FBLN7: variants seen among roughly 807,000 people sequenced by gnomAD.
The protein encoded by FBLN7 is fibulin 7, also known as fibulin-7.
In FBLN7, 31 loss-of-function variants were observed where a neutral mutation model predicts 44.0. The observed-to-expected ratio is 0.70, with a 90% confidence interval of 0.53 to 0.95. The LOEUF (loss-of-function observed/expected upper bound fraction) is 0.95, where lower values mean the gene tolerates loss of function less well. Ranked by LOEUF, FBLN7 falls within the 40% of genes least tolerant of loss-of-function variation. The pLI is 0.00. For missense variants in FBLN7, 573 were observed against 618.5 expected, an observed-to-expected ratio of 0.93 and a Z score of 0.78; for synonymous variants, 262 against 253.4, an observed-to-expected ratio of 1.03 and a Z score of -0.32.
At chr2:112,155,433 C>T (rs1438123878) in intron 1 of FBLN7, among the ~76,000 whole-genome samples, 1 of 152,226 alleles carries the variant, frequency 6.6e-6, no homozygotes, top group Non-Finnish European at 1.5e-5. Context: ...CTCCCTGGCC[C>T]CAGCCCCGGC....
At chr2:112,210,681 G>GAAAAAAAAAAAAAAAAAAAAA in the FBLN7 span, among the ~76,000 whole-genome samples, 1 of 129,914 alleles carries the variant, frequency 7.7e-6, no homozygotes. Flanking sequence ...AAAAAAAAAG[G>GAAAAAAAAAAAAAAAAAAAAA]AAAGGTAGAA....
At chr2:112,198,554 T>A in the FBLN7 span, among the ~76,000 whole-genome samples, 1 of 151,690 alleles carries the variant, frequency 6.6e-6, no homozygotes. Context: ...GGAGAATCGC[T>A]TGAACCTGGG....
At chr2:112,233,428 G>T in the FBLN7 span, 3 of 1,149,232 alleles carry the variant, frequency 2.6e-6, no homozygotes, top group South Asian at 1.4e-5. Flanking sequence ...AAGTCATTAT[G>T]ATTTAATTCC....
chr2:112,153,973 G>T (rs1406462906), intron 1 of FBLN7, among the ~76,000 whole-genome samples: 1 of 152,156 alleles, frequency 6.6e-6, no homozygotes, highest in Non-Finnish European at 1.5e-5. Flanking sequence ...TCTCAGCACT[G>T]GTCTGCGTCT....
the FBLN7 span, among the ~76,000 whole-genome samples, chr2:112,239,152 C>T: frequency 6.6e-6 from 1 of 152,198 alleles, no homozygotes; most frequent in Admixed American, 6.5e-5. Flanking sequence ...GTTGCACGTG[C>T]CCAAGGCAAG....
Position 112,160,122 on chromosome 2 carries a change from C to G in FBLN7, c.235+287C>G, listed in dbSNP as rs961534490. On this transcript the variant is annotated intron_variant, in intron 2 of 7. Transcript: ENST00000331203. ...TCTCCTGCCTCAGCCTCCCGCGTAGCTGGGACTACAGGCGCCCGCCACCAC... is the reference window on the plus strand; with the variant it reads ...TCTCCTGCCTCAGCCTCCCGCGTAGGTGGGACTACAGGCGCCCGCCACCAC... Among the ~76,000 whole-genome samples, 15 of 152,200 alleles carry G rather than the reference C, an allele frequency of 9.9e-5. No individual in the cohort carries two copies. The South Asian group carries it at 2.7e-3, about 27-fold the overall frequency.
At chr2:112,191,643 A>AT (rs964410833), downstream of FBLN7, among the ~76,000 whole-genome samples, 1 of 151,816 alleles carries the variant, frequency 6.6e-6, no homozygotes, top group Admixed American at 6.6e-5. Context: ...AGCTAAAATC[A>AT]TTTTTTTTCT....
chr2:112,234,710 G>A, the FBLN7 span, among the ~76,000 whole-genome samples: 2 of 151,996 alleles, frequency 1.3e-5, no homozygotes, highest in Admixed American at 6.6e-5. Context: ...TGAGGCAGGA[G>A]AATCGCTTGA....
the FBLN7 span, among the ~76,000 whole-genome samples, chr2:112,208,316 G>A: frequency 5.3e-5 from 8 of 152,248 alleles, no homozygotes; most frequent in African/African-American, 9.6e-5. Context: ...CAGGAGAATC[G>A]CTTGAATCCT....
In FBLN7 at chr2:112,146,728, A is replaced by G. The variant is rs182942725; in HGVS notation, c.75+7998A>G. 5.9e-5 allele frequency among the ~76,000 whole-genome samples: 9 copies of G among 152,254 alleles called. No individual in the cohort carries two copies. In the East Asian group the frequency reaches 1.5e-3, roughly 26 times the overall value. ...AATACATTTCCAGGGGTTTTTTTAC[A>G]TGGACAATCATGTCATCTATGTATT... On this transcript the variant is annotated intron_variant, in intron 1 of 7. Transcript: ENST00000331203.
chr2:112,191,279 G>A (rs532736703), downstream of FBLN7, among the ~76,000 whole-genome samples: 147 of 152,252 alleles, frequency 9.7e-4, 1 homozygote, highest in African/African-American at 3.3e-3. Flanking sequence ...GGGTTCAAGT[G>A]ATTCTCATGC....
chr2:112,178,144 G>C (rs1490110599), intron 4 of FBLN7: 1 of 151,832 alleles, frequency 6.6e-6, no homozygotes, highest in Non-Finnish European at 1.5e-5. Flanking sequence ...CTCCAGCCTG[G>C]GTGACACAGC....
At chr2:112,159,534 C>A (rs1398735681) in intron 1 of FBLN7, 142 bp from the exon 2 acceptor site, 1 of 941,366 alleles carries the variant, frequency 1.1e-6, no homozygotes, top group Non-Finnish European at 1.5e-6. Flanking sequence ...GGCTGTCCAG[C>A]GGCAGGTCAC....
intron 1 of FBLN7, among the ~76,000 whole-genome samples, chr2:112,156,016 A>G (rs1029196877): frequency 2.0e-5 from 3 of 152,202 alleles, no homozygotes; most frequent in Non-Finnish European, 4.4e-5. Context: ...TTCAGCTGTC[A>G]GGGCCTGGCC....
intron 1 of FBLN7, among the ~76,000 whole-genome samples, chr2:112,144,166 A>ATACTCTACGCGTATATCC (rs1452273707): frequency 2.6e-5 from 4 of 152,236 alleles, no homozygotes; most frequent in Non-Finnish European, 5.9e-5. Flanking sequence ...TCCTAGAAAT[A>ATACTCTACGCGTATATCC]TAGCTCTCCT....
At chr2:112,150,227 GC>G (rs1681093237) in intron 1 of FBLN7, among the ~76,000 whole-genome samples, 1 of 152,190 alleles carries the variant, frequency 6.6e-6, no homozygotes, top group African/African-American at 2.4e-5. Flanking sequence ...TGAAGGAGGG[GC>G]TGGGGTCAGA....
intron 4 of FBLN7, 125 bp from the exon 5 acceptor site, chr2:112,181,614 C>A (rs1573828798): frequency 8.4e-7 from 1 of 1,191,410 alleles, no homozygotes; most frequent in Non-Finnish European, 1.1e-6. Context: ...CCTTTCCCTA[C>A]TCCAGAGTAA....
the FBLN7 span, chr2:112,231,842 G>C: frequency 6.4e-7 from 1 of 1,561,162 alleles, no homozygotes; most frequent in South Asian, 1.2e-5. Context: ...ACTTACTTTA[G>C]CCAACAATTC....
At chr2:112,211,171 C>A in the FBLN7 span, among the ~76,000 whole-genome samples, 3 of 152,340 alleles carry the variant, frequency 2.0e-5, no homozygotes, top group East Asian at 5.8e-4. Flanking sequence ...AGGGCCCAGT[C>A]TCTTTAAAGG....
Sources: gnomAD v4.1 joint callset for allele counts (sites outside exome capture counted in the v4.1 genomes callset) on GRCh38, gnomAD v4.1.1 for gene constraint, MANE v1.5 for transcripts, NCBI Gene and HGNC (gene_info 2026-07-23, HGNC 2026-07-21) for gene names.